The following PCDH15 variants were observed in gnomAD, a reference collection of about 807,000 sequenced individuals.
PCDH15 encodes protocadherin related 15.
A neutral mutation model predicts 178.5 loss-of-function variants in PCDH15; 129 were observed. The observed-to-expected ratio is 0.72, with a 90% confidence interval of 0.63 to 0.84. The LOEUF (loss-of-function observed/expected upper bound fraction) is 0.84. PCDH15 is among the 40% of genes least tolerant of loss of function. PCDH15 has a pLI of 0.00. For synonymous variants in PCDH15, 800 were observed against 732.0 expected (o/e 1.09, Z -1.50); for missense variants, 2,230 against 2,099.9 (o/e 1.06, Z -1.21).
chr10:55,619,214 A>G (rs1843538998), intron 2 of PCDH15, among the ~76,000 whole-genome samples: 1 of 152,050 alleles, frequency 6.6e-6, no homozygotes, highest in African/African-American at 2.4e-5. Context: ...ACAGGCATCA[A>G]GGAGTAATAA....
upstream of PCDH15, among the ~76,000 whole-genome samples, chr10:55,320,155 G>C (rs1264926603): frequency 6.6e-6 from 1 of 152,160 alleles, no homozygotes; most frequent in East Asian, 1.9e-4. Context: ...GTCAATGCAT[G>C]TGTGCATAGG....
intron 25 of PCDH15, among the ~76,000 whole-genome samples, chr10:53,931,060 G>C (rs991427460): frequency 2.0e-5 from 3 of 152,134 alleles, no homozygotes; most frequent in African/African-American, 7.2e-5. Flanking sequence ...AGTCTAGAGG[G>C]CCAGAAAGTT....
chr10:55,108,338 A>G lies in PCDH15; in HGVS notation c.-80+58238T>C, dbSNP rs116136715. Among the ~76,000 whole-genome samples the G allele has an allele frequency of 2.3e-3, 345 of 152,336 alleles. 1 individual carries two copies. Among genetic ancestry groups the G allele is most frequent in the African/African-American group, 8.0e-3 (332 of 41,576 alleles). On this transcript the variant is annotated intron_variant, in intron 2 of 5. Coordinates refer to the PCDH15 transcript ENST00000458638. ...TTATAGCATTATTTATATTCAAATAATAGTATTTAAATAGAGTTACGGGTT... is the reference window on the plus strand; with the variant it reads ...TTATAGCATTATTTATATTCAAATAGTAGTATTTAAATAGAGTTACGGGTT...
chr10:55,349,083 T>C (rs1390405226), intron 2 of PCDH15, among the ~76,000 whole-genome samples: 1 of 152,126 alleles, frequency 6.6e-6, no homozygotes, highest in African/African-American at 2.4e-5. Flanking sequence ...TGAGGAGAAC[T>C]ATTGGGTCTA....
intron 2 of PCDH15, chr10:55,506,124 T>G (rs747261383): frequency 1.3e-5 from 2 of 151,336 alleles, no homozygotes; most frequent in Non-Finnish European, 3.0e-5. Context: ...CAAAGACAGA[T>G]TAGAGGTAGA....
chr10:53,996,950 C>T (rs1487698954), intron 20 of PCDH15, among the ~76,000 whole-genome samples: 1 of 151,972 alleles, frequency 6.6e-6, no homozygotes, highest in African/African-American at 2.4e-5. Flanking sequence ...CAACAATTTT[C>T]CTGTACAGTA....
At chr10:54,447,397 T>C (rs111627966) in intron 3 of PCDH15, among the ~76,000 whole-genome samples, 3 of 151,708 alleles carry the variant, frequency 2.0e-5, no homozygotes, top group Non-Finnish European at 4.4e-5. Flanking sequence ...ATTTCCCCCA[T>C]GCCCTAGCTT....
chr10:55,144,016 G>GAA lies in PCDH15; in HGVS notation c.-80+22558_-80+22559dup, dbSNP rs11372341. On this transcript the variant is annotated intron_variant, in intron 2 of 5. Transcript: ENST00000458638. ...CAGAGTCCTATCTTGGGTGTAAGGG[G>GAA]AAAAAAAACACACAACATATTGTGT... is the stretch of plus-strand genomic sequence containing the variant. Among the ~76,000 whole-genome samples, 71 of 149,894 alleles carry GAA rather than the reference G, an allele frequency of 4.7e-4. 1 individual carries two copies. Among genetic ancestry groups the GAA allele is most frequent in the South Asian group, 2.1e-3 (10 of 4,770 alleles).
At chr10:54,164,904 T>C (rs990616984) in intron 13 of PCDH15, among the ~76,000 whole-genome samples, 1 of 152,154 alleles carries the variant, frequency 6.6e-6, no homozygotes, top group Non-Finnish European at 1.5e-5. Flanking sequence ...CTAAATCAAC[T>C]TGGAGCTGTG....
chr10:55,387,425 ACT>A (rs1310481718), intron 2 of PCDH15, among the ~76,000 whole-genome samples: 1 of 152,152 alleles, frequency 6.6e-6, no homozygotes, highest in East Asian at 1.9e-4. Flanking sequence ...GAAAATTTTC[ACT>A]GTTAGAAAAA....
At chr10:54,566,839 G>T (rs2089121459) in intron 2 of PCDH15, among the ~76,000 whole-genome samples, 1 of 152,038 alleles carries the variant, frequency 6.6e-6, no homozygotes, top group Admixed American at 6.6e-5. Context: ...AGCTTCTTTG[G>T]GTAAATACCA....
intron 2 of PCDH15, among the ~76,000 whole-genome samples, chr10:55,520,925 G>A (rs1238638937): frequency 6.6e-6 from 1 of 151,744 alleles, no homozygotes; most frequent in Non-Finnish European, 1.5e-5. Context: ...AATTATTATT[G>A]TGTGTGTTTG....
intron 1 of PCDH15, among the ~76,000 whole-genome samples, chr10:54,727,022 A>G (rs1267961080): frequency 1.3e-5 from 2 of 151,442 alleles, no homozygotes; most frequent in Non-Finnish European, 3.0e-5. Flanking sequence ...AATGTCTCCA[A>G]TATTGCTAGA....
chr10:54,121,327 T>C (rs1337072999), intron 15 of PCDH15, among the ~76,000 whole-genome samples: 2 of 152,102 alleles, frequency 1.3e-5, no homozygotes, highest in Non-Finnish European at 2.9e-5. Context: ...GATAAATGCC[T>C]ACCTCAAAAA....
intron 25 of PCDH15, among the ~76,000 whole-genome samples, chr10:53,912,817 C>T (rs569909822): frequency 3.3e-5 from 5 of 152,292 alleles, no homozygotes; most frequent in South Asian, 4.1e-4. Flanking sequence ...GAAGAACATT[C>T]CATGCTCATG....
intron 3 of PCDH15, among the ~76,000 whole-genome samples, chr10:54,477,425 C>T (rs1589616429): frequency 6.6e-6 from 1 of 152,132 alleles, no homozygotes; most frequent in East Asian, 1.9e-4. Flanking sequence ...TAACAACACT[C>T]ATCATGATGT....
intron 2 of PCDH15, among the ~76,000 whole-genome samples, chr10:55,520,096 ATATATATACACGCAATGTG>A: frequency 7.3e-6 from 1 of 136,628 alleles, no homozygotes; most frequent in African/African-American, 2.7e-5. Flanking sequence ...ATATATATGT[ATATATATACACGCAATGTG>A]TATATATATA....
intron 18 of PCDH15, among the ~76,000 whole-genome samples, chr10:54,054,213 A>C (rs1012788510): frequency 1.3e-5 from 2 of 152,182 alleles, no homozygotes; most frequent in Non-Finnish European, 2.9e-5. Flanking sequence ...GAAGGAAAAT[A>C]AGCATCTCAA....
At chr10:54,731,640 C>T (rs1270107560) in intron 1 of PCDH15, among the ~76,000 whole-genome samples, 1 of 146,460 alleles carries the variant, frequency 6.8e-6, no homozygotes, top group African/African-American at 2.5e-5. Context: ...AGAATGAAAT[C>T]CTGTCATTTG....
Sources: allele counts gnomAD v4.1 joint callset (sites outside exome capture counted in the v4.1 genomes callset), GRCh38; gene constraint gnomAD v4.1.1; transcripts MANE v1.5; gene names NCBI Gene and HGNC (gene_info 2026-07-23, HGNC 2026-07-21).